SMARCA2: variants seen among roughly 807,000 people sequenced by gnomAD.
The protein encoded by SMARCA2 is SWI/SNF related BAF chromatin remodeling complex subunit ATPase 2.
Under a neutral mutation model 199.8 loss-of-function variants are expected in SMARCA2, and 61 were observed. That is an observed-to-expected ratio of 0.31 (90% CI 0.25 to 0.38). The LOEUF (loss-of-function observed/expected upper bound fraction) is 0.38, where lower values mean the gene tolerates loss of function less well. Ranked by LOEUF, SMARCA2 falls within the 10% of genes least tolerant of loss-of-function variation. The pLI, the probability that SMARCA2 is intolerant of heterozygous loss-of-function variation, is 1.00. For synonymous variants in SMARCA2, 935 were observed against 732.0 expected, an observed-to-expected ratio of 1.28 and a Z score of -4.48; for missense variants, 1,344 against 2,012.2, an observed-to-expected ratio of 0.67 and a Z score of 6.35.
chr9:2,026,579 TA>T (rs1276015260), intron 1 of SMARCA2, among the ~76,000 whole-genome samples: 4 of 152,214 alleles, frequency 2.6e-5, no homozygotes, highest in Non-Finnish European at 5.9e-5. Context: ...TCAATTATAT[TA>T]AACGTAGGAA....
intron 4 of SMARCA2, chr9:2,043,737 T>C (rs1819712668): frequency 1.3e-5 from 2 of 152,184 alleles, no homozygotes; most frequent in South Asian, 4.1e-4. Context: ...GAGACTTGGG[T>C]ATTTTAATAC....
intron 9 of SMARCA2, among the ~76,000 whole-genome samples, chr9:2,062,148 T>C (rs1820621892): frequency 6.6e-6 from 1 of 152,218 alleles, no homozygotes; most frequent in Non-Finnish European, 1.5e-5. Context: ...AATGTAGTTA[T>C]TACCACTGAA....
chr9:2,132,144 AT>A (rs202223381), intron 27 of SMARCA2, among the ~76,000 whole-genome samples: 1,665 of 152,302 alleles, frequency 0.011, 72 homozygotes, highest in Admixed American at 0.065. Context: ...TCCATGGTGA[AT>A]TAGTCACAAA....
rs1178591789 is a variant in SMARCA2 at position 2,076,338 on chromosome 9, T to G, written c.2036+9T>G. 4 of 1,493,944 alleles carry G rather than the reference T, an allele frequency of 2.7e-6. No individual in the cohort carries two copies. The South Asian group carries it at 3.4e-5, about 13-fold the overall frequency. The allele number at this position is 1,493,944 out of a possible 1,614,324, so 92.5% of individuals were successfully genotyped here. ...GCTAAGCAGATCATTGAGTATGTAC[T>G]GCATTTTTCCCTTGGAAATGCATTG... On this transcript the variant is annotated intron_variant, in intron 13 of 33. Transcript: ENST00000349721.
chr9:2,048,231 C>T (rs1326388272), intron 5 of SMARCA2, among the ~76,000 whole-genome samples: 1 of 152,118 alleles, frequency 6.6e-6, no homozygotes, highest in Non-Finnish European at 1.5e-5. Context: ...TGGTTAATGT[C>T]AACCCAAAAG....
intron 27 of SMARCA2, among the ~76,000 whole-genome samples, chr9:2,137,532 C>T (rs574579020): frequency 1.3e-5 from 2 of 152,258 alleles, no homozygotes; most frequent in East Asian, 3.9e-4. Context: ...TCCTCCTTGT[C>T]CCAATGATCT....
chr9:2,015,790 C>T lies in SMARCA2; in HGVS notation c.-37+386C>T, dbSNP rs529068687. Among the ~76,000 whole-genome samples the T allele has an allele frequency of 8.6e-4, 131 of 152,346 alleles. 1 individual carries two copies. Among genetic ancestry groups the T allele is most frequent in the Middle Eastern group, 3.4e-3 (1 of 294 alleles). On this transcript the variant is annotated intron_variant, in intron 1 of 33. Coordinates refer to ENST00000349721, the MANE Select transcript of SMARCA2 (RefSeq NM_003070.5). ...GATCCTGAGTGGGCAGTCAGAGGCG[C>T]TGCCAACTCAAGGTTGCAACACACA...
intron 10 of SMARCA2, 77 bp from the exon 11 acceptor site, chr9:2,073,130 AAAAAC>A: frequency 6.5e-7 from 1 of 1,530,714 alleles, no homozygotes; most frequent in Non-Finnish European, 8.8e-7. Flanking sequence ...GCTGGGCAGC[AAAAAC>A]TGCTGAGAAA....
rs1461577120 is a variant in SMARCA2, at chr9:2,163,967, C to T, written c.4199+2064C>T. The stretch of plus-strand genomic sequence containing the variant: ...CTTGCAAAAATTTCCCTCCCATCCC[C>T]CACCCTTTTGAAAAACCAGAAACTC... On this transcript the variant is annotated intron_variant, in intron 28 of 33. Transcript: ENST00000349721. 2.6e-5 allele frequency among the ~76,000 whole-genome samples: 4 copies of T among 152,192 alleles called. No individual in the cohort carries two copies. The South Asian group carries it at 8.3e-4, about 32-fold the overall frequency.
intron 18 of SMARCA2, 55 bp downstream of exon 18, chr9:2,087,126 G>T (rs759938824): frequency 2.5e-6 from 4 of 1,602,732 alleles, no homozygotes; most frequent in Non-Finnish European, 3.4e-6. Flanking sequence ...GAAATGAAAG[G>T]CCCTAAAGCT....
At chr9:2,035,424 C>T (rs183291920) in intron 3 of SMARCA2, among the ~76,000 whole-genome samples, 4 of 152,310 alleles carry the variant, frequency 2.6e-5, no homozygotes, top group Admixed American at 6.5e-5. Flanking sequence ...ACTTTTTCTG[C>T]TCCTGTTGTT....
At chr9:2,070,541 C>T in intron 10 of SMARCA2, 70 bp downstream of exon 10, 1 of 1,072,660 alleles carries the variant, frequency 9.3e-7, no homozygotes, top group Non-Finnish European at 1.4e-6. Flanking sequence ...CAGCACCATT[C>T]TTCATGCATA....
Position 2,149,059 on chromosome 9 carries a change from A to T in SMARCA2, c.3982-12627A>T, listed in dbSNP as rs775746510. ...TTTATTAGTAAAACCTGCCTGTATT[A>T]GTCTGTTTTCACACTGCTGATAAAG... On this transcript the variant is annotated intron_variant, in intron 27 of 33. Coordinates refer to ENST00000349721, the MANE Select transcript of SMARCA2 (RefSeq NM_003070.5). 4.4e-4 allele frequency among the ~76,000 whole-genome samples: 67 copies of T among 151,182 alleles called. 2 individuals carry two copies. Among genetic ancestry groups the T allele is most frequent in the Non-Finnish European group, 6.4e-4 (43 of 67,678 alleles).
At chr9:2,030,458 C>G (rs1463025116) in intron 2 of SMARCA2, among the ~76,000 whole-genome samples, 1 of 151,498 alleles carries the variant, frequency 6.6e-6, no homozygotes, top group Non-Finnish European at 1.5e-5. Flanking sequence ...CCAGAAGAGT[C>G]AGTGGAGTAA....
At chr9:2,030,073 G>A (rs567166585) in intron 2 of SMARCA2, among the ~76,000 whole-genome samples, 4 of 152,320 alleles carry the variant, frequency 2.6e-5, no homozygotes, top group Non-Finnish European at 4.4e-5. Flanking sequence ...AATGAGACAC[G>A]TAGAGGTTTT....
chr9:2,182,287 C>T (rs766524548), intron 31 of SMARCA2, 45 bp downstream of exon 31: 2 of 1,150,306 alleles, frequency 1.7e-6, no homozygotes, highest in South Asian at 1.3e-5. Context: ...TGTAAATGTG[C>T]CCGTTGTTCT....
At chr9:2,060,038 T>C (rs941394845) in intron 8 of SMARCA2, among the ~76,000 whole-genome samples, 5 of 149,138 alleles carry the variant, frequency 3.4e-5, no homozygotes, top group African/African-American at 5.0e-5. Context: ...TCTATTTTAT[T>C]GCTCAGCAGT....
chr9:2,151,841 C>T (rs79520073), intron 27 of SMARCA2, among the ~76,000 whole-genome samples: 6,874 of 151,898 alleles, frequency 0.045, 229 homozygotes, highest in African/African-American at 0.084. Flanking sequence ...ATTTAAATTG[C>T]GCTAGGAACA....
chr9:2,162,800 G>C (rs1825748887), intron 28 of SMARCA2: 1 of 152,126 alleles, frequency 6.6e-6, no homozygotes, highest in Non-Finnish European at 1.5e-5. Flanking sequence ...GCAGTACCAG[G>C]TCGATGTGTG....
Sources: allele counts gnomAD v4.1 joint callset (sites outside exome capture counted in the v4.1 genomes callset), GRCh38; gene constraint gnomAD v4.1.1; transcripts MANE v1.5; gene names NCBI Gene and HGNC (gene_info 2026-07-23, HGNC 2026-07-21).